Variants in TMPO observed in about 807,000 individuals in gnomAD.
TMPO encodes the protein thymopoietin.
TMPO carries 22 observed loss-of-function variants against 45.4 expected under a neutral mutation model. The ratio of observed to expected loss-of-function variants is 0.48; its 90% CI spans 0.35 to 0.69. The LOEUF is 0.69. TMPO is among the 30% of genes least tolerant of loss of function. TMPO has a pLI of 0.01. For synonymous variants in TMPO, 241 were observed against 204.1 expected (o/e 1.18, Z -1.54); for missense variants, 512 against 548.8 (o/e 0.93, Z 0.67).
intron 6 of TMPO, 69 bp from the exon 7 acceptor site, chr12:98,544,878 ATCTT>A (rs569088361): frequency 9.1e-4 from 1,111 of 1,217,126 alleles, no homozygotes; most frequent in Non-Finnish European, 1.2e-3. Flanking sequence ...GAGATAAAAT[ATCTT>A]TCTTTTCTTT....
chr12:98,543,080 G>T (rs1395238178), intron 4 of TMPO, among the ~76,000 whole-genome samples: 2 of 152,096 alleles, frequency 1.3e-5, no homozygotes, highest in Admixed American at 6.5e-5. Flanking sequence ...TCTGTAACTT[G>T]TGGGGTTTTG....
At chr12:98,535,923 G>A (rs1452226927) in intron 3 of TMPO, among the ~76,000 whole-genome samples, 1 of 151,650 alleles carries the variant, frequency 6.6e-6, no homozygotes. Context: ...TTTTTACTTT[G>A]TGCTTTCTAG....
At chr12:98,546,332 GTTGT>G (rs529960751) in intron 7 of TMPO, 23 bp from the exon 8 acceptor site, 280 of 1,475,304 alleles carry the variant, frequency 1.9e-4, no homozygotes, top group East Asian at 1.6e-3. Context: ...TTAACTTGTG[GTTGT>G]TTGTTTGTCT....
At chr12:98,544,582 T>G (rs1429521220) in intron 6 of TMPO, 45 bp downstream of exon 6, 1 of 1,494,114 alleles carries the variant, frequency 6.7e-7, no homozygotes, top group Admixed American at 1.7e-5. Context: ...CTTTGTAAAT[T>G]ACCCTTTAAT....
At chr12:98,530,095 T>C (rs1192098883) in intron 2 of TMPO, among the ~76,000 whole-genome samples, 2 of 152,086 alleles carry the variant, frequency 1.3e-5, no homozygotes, top group Admixed American at 6.5e-5. Context: ...CCCAACACTT[T>C]GGGAGGCCAA....
At chr12:98,535,364 A>C in intron 3 of TMPO, 1 of 985,212 alleles carries the variant, frequency 1.0e-6, no homozygotes, top group Non-Finnish European at 1.2e-6. Flanking sequence ...CATTTCTGTG[A>C]TTGTAAGTTA....
intron 1 of TMPO, among the ~76,000 whole-genome samples, chr12:98,525,561 T>A (rs1166642021): frequency 6.6e-6 from 1 of 152,084 alleles, no homozygotes; most frequent in Non-Finnish European, 1.5e-5. Context: ...GCCAACATGC[T>A]GAAACCCCGT....
rs543377123 is a variant in TMPO, at chr12:98,533,292, C to G, written c.565+1454C>G. On this transcript the variant is annotated intron_variant, in intron 3 of 8. Transcript: ENST00000556029. ...TTCAACCATTATGTCCTGAGAGGTC[C>G]CATATTTCAGATCAATCGCCTCTCT... 5 of 1,613,914 alleles carry G rather than the reference C, an allele frequency of 3.1e-6. No individual in the cohort carries two copies. The African/African-American group carries it at 5.3e-5, about 17-fold the overall frequency.
intron 1 of TMPO, among the ~76,000 whole-genome samples, chr12:98,517,781 C>G (rs1014942019): frequency 2.0e-5 from 3 of 152,198 alleles, no homozygotes; most frequent in Non-Finnish European, 4.4e-5. Context: ...TCTTAATAAA[C>G]AAATTTACTT....
chr12:98,518,504 G>C (rs1478804796), intron 1 of TMPO, among the ~76,000 whole-genome samples: 2 of 124,990 alleles, frequency 1.6e-5, no homozygotes, highest in Non-Finnish European at 3.3e-5. Context: ...TGGTACACAG[G>C]CTTTCTGTGT....
chr12:98,537,934 A>T (rs1877673256), intron 4 of TMPO, among the ~76,000 whole-genome samples: 1 of 152,126 alleles, frequency 6.6e-6, no homozygotes, highest in African/African-American at 2.4e-5. Context: ...TTGTCTCTAG[A>T]TTTCTGACTT....
At position 98,540,382 on chromosome 12, in the gene TMPO, T is replaced by G. The variant is rs56958548; in HGVS notation, c.663+2810T>G. Among the ~76,000 whole-genome samples, 781 of 152,092 alleles carry G rather than the reference T, an allele frequency of 5.1e-3. 6 individuals are homozygous for G. The highest frequency in any genetic ancestry group is 0.018 in the African/African-American group (733 of 41,442). ...GTTTTGCTTTGTTGTTGTTGTTGTT[T>G]TTGTTTTTGTTTGTTTGTTTTTTGA... On this transcript the variant is annotated intron_variant, in intron 4 of 8. Coordinates refer to ENST00000556029, the MANE Select transcript of TMPO (RefSeq NM_001032283.3).
intron 3 of TMPO, chr12:98,533,542 GTCCCTAGAC>G: frequency 1.2e-6 from 2 of 1,614,158 alleles, no homozygotes; most frequent in Non-Finnish European, 1.7e-6. Flanking sequence ...TCCAAGAAAA[GTCCCTAGAC>G]TGAGTGAGAA....
chr12:98,541,568 C>A (rs1361116877), intron 4 of TMPO, among the ~76,000 whole-genome samples: 1 of 152,048 alleles, frequency 6.6e-6, no homozygotes, highest in Admixed American at 6.6e-5. Context: ...AGGACATATC[C>A]CACTAGAATG....
At chr12:98,545,156 AGGGAGCAGAGCTTTCTTTATT>A in intron 7 of TMPO, 95 bp downstream of exon 7, 1 of 762,612 alleles carries the variant, frequency 1.3e-6, no homozygotes. Flanking sequence ...TTGGAGTGGG[AGGGAGCAGAGCTTTCTTTATT>A]GGGTGGTGTG....
intron 4 of TMPO, among the ~76,000 whole-genome samples, chr12:98,539,471 CTTTTTTTT>C (rs398039980): frequency 3.2e-5 from 4 of 123,492 alleles, no homozygotes; most frequent in Non-Finnish European, 6.6e-5. Flanking sequence ...TTTTAAATTA[CTTTTTTTT>C]TTTTTTTTTT....
chr12:98,529,348 C>T (rs1877020661), intron 2 of TMPO, among the ~76,000 whole-genome samples: 2 of 152,118 alleles, frequency 1.3e-5, no homozygotes, highest in African/African-American at 2.4e-5. Context: ...AGCCACCGCG[C>T]TGAGCCCCTT....
chr12:98,538,643 G>A (rs550098826), intron 4 of TMPO, among the ~76,000 whole-genome samples: 1 of 151,984 alleles, frequency 6.6e-6, no homozygotes, highest in African/African-American at 2.4e-5. Flanking sequence ...GTGAGCCACC[G>A]CGCCCAGCCT....
intron 3 of TMPO, chr12:98,532,763 G>A: frequency 4.3e-6 from 7 of 1,613,126 alleles, no homozygotes; most frequent in Non-Finnish European, 5.9e-6. Flanking sequence ...AAGAGGCAAA[G>A]AATAAAATCA....
Sources: allele counts gnomAD v4.1 joint callset (sites outside exome capture counted in the v4.1 genomes callset), GRCh38; gene constraint gnomAD v4.1.1; transcripts MANE v1.5; gene names NCBI Gene and HGNC (gene_info 2026-07-23, HGNC 2026-07-21).